ARFGAP3: variants seen among roughly 807,000 people sequenced by gnomAD.
ARFGAP3 encodes ADP-ribosylation factor GTPase-activating protein 3.
Under a neutral mutation model 75.0 loss-of-function variants are expected in ARFGAP3, and 72 were observed. The ratio of observed to expected loss-of-function variants is 0.96; its 90% CI spans 0.79 to 1.17. The LOEUF is 1.17. ARFGAP3 is among the 50% of genes most tolerant of loss of function. ARFGAP3 has a pLI of 0.00. For synonymous variants in ARFGAP3, 221 were observed against 217.9 expected, an observed-to-expected ratio of 1.01 and a Z score of -0.13; for missense variants, 620 against 626.6, an observed-to-expected ratio of 0.99 and a Z score of 0.11.
In ARFGAP3 at chr22:42,847,644, T is replaced by A; in HGVS notation, c.70-12A>T. ...CAATCAAAACACACCTGAAAAAAAATGTTAAATTCAGTTACTAATTTATGT... is the reference window on the plus strand; with the variant it reads ...CAATCAAAACACACCTGAAAAAAAAAGTTAAATTCAGTTACTAATTTATGT... On this transcript the variant is annotated splice_polypyrimidine_tract_variant and intron_variant, in intron 1 of 15. Coordinates refer to ENST00000263245, the MANE Select transcript of ARFGAP3 (RefSeq NM_014570.5). 1 of 1,607,650 alleles carries A rather than the reference T, an allele frequency of 6.2e-7. No individual in the cohort carries two copies. Among genetic ancestry groups the A allele is most frequent in the South Asian group, 1.1e-5 (1 of 90,310 alleles).
chr22:42,829,007 A>T (rs1219559842), intron 6 of ARFGAP3, among the ~76,000 whole-genome samples: 2 of 152,214 alleles, frequency 1.3e-5, no homozygotes, highest in African/African-American at 2.4e-5. Context: ...TATGCTAATA[A>T]ATTATAATAG....
chr22:42,807,322 C>A, intron 13 of ARFGAP3, 159 bp from the exon 14 acceptor site: 4 of 941,126 alleles, frequency 4.3e-6, no homozygotes, highest in Non-Finnish European at 5.1e-6. Context: ...TCCTGCGGGA[C>A]AGCACAAAGC....
intron 2 of ARFGAP3, among the ~76,000 whole-genome samples, chr22:42,843,009 A>G (rs1926852973): frequency 6.6e-6 from 1 of 151,986 alleles, no homozygotes; most frequent in South Asian, 2.1e-4. Flanking sequence ...CACTTTCAAG[A>G]GAAGGAAAGC....
intron 3 of ARFGAP3, among the ~76,000 whole-genome samples, chr22:42,837,150 A>C (rs1439499721): frequency 2.0e-5 from 3 of 152,184 alleles, no homozygotes; most frequent in African/African-American, 7.2e-5. Context: ...CATCATGATA[A>C]TGGGCAAAGG....
chr22:42,854,701 A>G (rs1927423298), intron 1 of ARFGAP3, among the ~76,000 whole-genome samples: 1 of 152,150 alleles, frequency 6.6e-6, no homozygotes, highest in Admixed American at 6.5e-5. Context: ...ATCATCATAC[A>G]TGAGACGAAG....
intron 2 of ARFGAP3, among the ~76,000 whole-genome samples, chr22:42,843,290 CTT>C (rs1279716694): frequency 6.6e-6 from 1 of 152,224 alleles, no homozygotes; most frequent in Non-Finnish European, 1.5e-5. Context: ...CCTTACTTCT[CTT>C]TATTTTCCTA....
Position 42,807,122 on chromosome 22 carries a change from G to A in ARFGAP3, c.1362C>T (p.Ser454=), listed in dbSNP as rs773089517. 1.1e-5 allele frequency: 17 copies of A among 1,612,926 alleles called. No individual in the cohort carries two copies. The Admixed American group carries it at 1.3e-4, about 13-fold the overall frequency. The change falls in exon 14 of 16, where the codon TCC becomes TCT. Residue 454 remains serine (S), a synonymous_variant. Coordinates refer to ENST00000263245, the MANE Select transcript of ARFGAP3 (RefSeq NM_014570.5). ...RARLERLSAS[S]SISSADLFEE... ...CGAACAGATCAGCCGAGCTTATGGA[G>A]GAACTTGCCGACAGCCTCTCTAGGC...
intron 6 of ARFGAP3, among the ~76,000 whole-genome samples, chr22:42,828,326 AG>A (rs1258035330): frequency 1.3e-5 from 2 of 151,972 alleles, no homozygotes; most frequent in Non-Finnish European, 2.9e-5. Context: ...TGGGAGGCCA[AG>A]GGGGACGCAT....
At position 42,839,025 on chromosome 22, in the gene ARFGAP3, G is replaced by T. The variant is rs144866433; in HGVS notation, c.261+1919C>A. 4.8e-3 allele frequency among the ~76,000 whole-genome samples: 725 copies of T among 150,228 alleles called. 36 individuals are homozygous for T. The East Asian group carries it at 0.077, about 16-fold the overall frequency. On this transcript the variant is annotated intron_variant, in intron 3 of 15. Coordinates refer to ENST00000263245, the MANE Select transcript of ARFGAP3 (RefSeq NM_014570.5). ...CTCGGGAGGCTGAGGCAGAAGAATG[G>T]CATGAACCTGGGAGGCAGAGGTTGC...
intron 1 of ARFGAP3, 69 bp downstream of exon 1, chr22:42,857,045 C>T (rs1354659725): frequency 2.8e-6 from 4 of 1,436,282 alleles, no homozygotes; most frequent in Non-Finnish European, 2.8e-6. Context: ...CGGGCACTGG[C>T]GCCCGCGGGG....
At chr22:42,849,171 A>G (rs1026489159) in intron 1 of ARFGAP3, among the ~76,000 whole-genome samples, 2 of 152,218 alleles carry the variant, frequency 1.3e-5, no homozygotes, top group African/African-American at 4.8e-5. Flanking sequence ...CAGCCTCATG[A>G]AAGACCCTGG....
intron 9 of ARFGAP3, among the ~76,000 whole-genome samples, chr22:42,821,755 G>A (rs1925822029): frequency 6.6e-6 from 1 of 152,226 alleles, no homozygotes; most frequent in Non-Finnish European, 1.5e-5. Context: ...ATACTTAGGA[G>A]TAGATTTGCT....
intron 14 of ARFGAP3, among the ~76,000 whole-genome samples, chr22:42,803,175 T>C (rs527741317): frequency 2.6e-5 from 4 of 152,258 alleles, no homozygotes; most frequent in African/African-American, 9.6e-5. Context: ...TTTTATTTTT[T>C]AAATTTTTTG....
intron 1 of ARFGAP3, among the ~76,000 whole-genome samples, chr22:42,855,939 G>T (rs577436151): frequency 6.6e-6 from 1 of 152,256 alleles, no homozygotes; most frequent in Non-Finnish European, 1.5e-5. Flanking sequence ...TCATCAGGAG[G>T]CTGGGAAGGA....
chr22:42,851,060 C>T (rs1009156421), intron 1 of ARFGAP3, among the ~76,000 whole-genome samples: 5 of 152,314 alleles, frequency 3.3e-5, no homozygotes, highest in African/African-American at 4.8e-5. Context: ...TGTTCTTCCC[C>T]GTCAGGCTGT....
At chr22:42,826,749 T>C (rs1270618232) in intron 7 of ARFGAP3, among the ~76,000 whole-genome samples, 191 bp downstream of exon 7, 2 of 152,282 alleles carry the variant, frequency 1.3e-5, no homozygotes, top group South Asian at 2.1e-4. Flanking sequence ...AGCATCTTTG[T>C]TGGAAGCTTG....
At chr22:42,856,619 T>A (rs1169149593) in intron 1 of ARFGAP3, among the ~76,000 whole-genome samples, 1 of 152,168 alleles carries the variant, frequency 6.6e-6, no homozygotes, top group Non-Finnish European at 1.5e-5. Flanking sequence ...ACTCGGCAAC[T>A]TTATCAGAAG....
rs533811837 is a variant in ARFGAP3, at chr22:42,824,459, T to C, written c.626-757A>G. ...GCAGCATTGAACTCCTGTATTCAAG[T>C]GATCCTCTCGTCTCAGCCTCCCTAG... On this transcript the variant is annotated intron_variant, in intron 7 of 15. Transcript: ENST00000263245. Among the ~76,000 whole-genome samples, 4 of 151,928 alleles carry C rather than the reference T, an allele frequency of 2.6e-5. No individual in the cohort carries two copies. In the South Asian group the frequency reaches 8.3e-4, roughly 32 times the overall value.
At chr22:42,828,766 C>A (rs1445877231) in intron 6 of ARFGAP3, among the ~76,000 whole-genome samples, 1 of 143,952 alleles carries the variant, frequency 6.9e-6, no homozygotes, top group Non-Finnish European at 1.5e-5. Flanking sequence ...CTCACTGCAA[C>A]CTCCGCCTCC....
Sources: gnomAD v4.1 joint callset for allele counts (sites outside exome capture counted in the v4.1 genomes callset) on GRCh38, gnomAD v4.1.1 for gene constraint, MANE v1.5 for transcripts, NCBI Gene and HGNC (gene_info 2026-07-23, HGNC 2026-07-21) for gene names.